The following ARB2A variants were observed in gnomAD, a reference collection of about 807,000 sequenced individuals.
ARB2A encodes ARB2 cotranscriptional regulator A, also known as cotranscriptional regulator ARB2A.
the ARB2A span, among the ~76,000 whole-genome samples, chr5:93,873,383 A>AAGG: frequency 1.5e-4 from 1 of 6,578 alleles, no homozygotes; most frequent in Non-Finnish European, 3.7e-4. Context: ...AGGAAAGGAA[A>AAGG]GGAAGGGGAA....
At chr5:93,872,229 C>A in the ARB2A span, among the ~76,000 whole-genome samples, 1 of 151,812 alleles carries the variant, frequency 6.6e-6, no homozygotes, top group Non-Finnish European at 1.5e-5. Context: ...ATTACAGGCA[C>A]GAGCCACTGT....
the ARB2A span, among the ~76,000 whole-genome samples, chr5:93,772,868 A>C: frequency 1.6e-4 from 24 of 152,348 alleles, no homozygotes; most frequent in African/African-American, 5.8e-4. Flanking sequence ...AGAGAGCCTG[A>C]GGTCTGCCAT....
At chr5:93,765,089 T>A in the ARB2A span, among the ~76,000 whole-genome samples, 1 of 152,188 alleles carries the variant, frequency 6.6e-6, no homozygotes, top group African/African-American at 2.4e-5. Flanking sequence ...GCCAATATCA[T>A]ACTGAATGGG....
At chr5:93,689,829 C>T in the ARB2A span, among the ~76,000 whole-genome samples, 5 of 151,876 alleles carry the variant, frequency 3.3e-5, no homozygotes, top group African/African-American at 9.7e-5. Context: ...AGAAGGTGGG[C>T]GATTTCTGCA....
the ARB2A span, among the ~76,000 whole-genome samples, chr5:94,023,210 C>T: frequency 6.6e-6 from 1 of 152,098 alleles, no homozygotes; most frequent in Non-Finnish European, 1.5e-5. Context: ...CAAGATAGCC[C>T]ACAAGTTCTA....
chr5:93,784,812 T>G, the ARB2A span, among the ~76,000 whole-genome samples: 1 of 152,214 alleles, frequency 6.6e-6, no homozygotes, highest in Non-Finnish European at 1.5e-5. Context: ...CTTTTACAAG[T>G]TTCTTCCACC....
the ARB2A span, among the ~76,000 whole-genome samples, chr5:94,015,143 C>T: frequency 6.6e-6 from 1 of 151,928 alleles, no homozygotes; most frequent in East Asian, 1.9e-4. Flanking sequence ...ATCCTAAAAG[C>T]AGCAACAGAA....
chr5:94,109,878 C>CTTTTT, the ARB2A span, among the ~76,000 whole-genome samples: 6 of 96,228 alleles, frequency 6.2e-5, no homozygotes, highest in Non-Finnish European at 7.9e-5. Context: ...CTCTATACCT[C>CTTTTT]TTTTTTTTTT....
chr5:93,774,619 C>T, the ARB2A span, among the ~76,000 whole-genome samples: 1 of 152,224 alleles, frequency 6.6e-6, no homozygotes, highest in African/African-American at 2.4e-5. Context: ...TAGTTTTGTG[C>T]CTTTTTTTTG....
At chr5:94,043,084 A>T in the ARB2A span, among the ~76,000 whole-genome samples, 1 of 152,262 alleles carries the variant, frequency 6.6e-6, no homozygotes, top group African/African-American at 2.4e-5. Flanking sequence ...AATCAACTAT[A>T]GAACTCTAAC....
the ARB2A span, among the ~76,000 whole-genome samples, chr5:94,084,857 T>C: frequency 5.3e-5 from 8 of 152,174 alleles, no homozygotes; most frequent in Admixed American, 3.3e-4. Flanking sequence ...TCTCACTTCA[T>C]ACATGATCAA....
the ARB2A span, among the ~76,000 whole-genome samples, chr5:94,024,533 G>C: frequency 6.6e-6 from 1 of 151,922 alleles, no homozygotes; most frequent in South Asian, 2.1e-4. Flanking sequence ...TATCCATCTA[G>C]CCTTAGTATG....
chr5:93,898,882 T>C, the ARB2A span, among the ~76,000 whole-genome samples: 6 of 152,080 alleles, frequency 3.9e-5, no homozygotes, highest in Admixed American at 3.9e-4. Context: ...ACATGTATCA[T>C]CTCACTTAAT....
At chr5:93,971,569 A>AAATAAAT in the ARB2A span, among the ~76,000 whole-genome samples, 2 of 139,356 alleles carry the variant, frequency 1.4e-5, no homozygotes, top group East Asian at 2.1e-4. Context: ...CTCCGTCTCA[A>AAATAAAT]AAATAAATAA....
the ARB2A span, among the ~76,000 whole-genome samples, chr5:93,904,538 CT>C: frequency 1.3e-5 from 2 of 151,748 alleles, no homozygotes; most frequent in East Asian, 3.9e-4. Context: ...AATCCTATCT[CT>C]TTGTGTATAA....
chr5:93,803,314 C>A, the ARB2A span, among the ~76,000 whole-genome samples: 1 of 151,916 alleles, frequency 6.6e-6, no homozygotes, highest in Admixed American at 6.6e-5. Flanking sequence ...TTTTTGTTTT[C>A]ATGGATACTA....
At chr5:93,798,648 ATCCAATTGCTT>A in the ARB2A span, among the ~76,000 whole-genome samples, 2 of 152,128 alleles carry the variant, frequency 1.3e-5, no homozygotes, top group African/African-American at 4.8e-5. Context: ...AAATTATCCA[ATCCAATTGCTT>A]TTTGTATGGA....
chr5:93,761,564 C>G, the ARB2A span, among the ~76,000 whole-genome samples: 1 of 152,154 alleles, frequency 6.6e-6, no homozygotes, highest in African/African-American at 2.4e-5. Flanking sequence ...CTGGGAAGCT[C>G]GAACTGGGTG....
the ARB2A span, among the ~76,000 whole-genome samples, chr5:93,732,391 T>C: frequency 6.6e-6 from 1 of 152,218 alleles, no homozygotes; most frequent in South Asian, 2.1e-4. Context: ...CTTTTTAAAA[T>C]TGAAAAGTGA....
Sources: allele counts gnomAD v4.1 joint callset (sites outside exome capture counted in the v4.1 genomes callset), GRCh38; gene constraint gnomAD v4.1.1; transcripts MANE v1.5; gene names NCBI Gene and HGNC (gene_info 2026-07-23, HGNC 2026-07-21).